Variants in SLIT3 observed in about 807,000 individuals in gnomAD.
SLIT3 encodes the protein slit guidance ligand 3.
Under a neutral mutation model 184.0 loss-of-function variants are expected in SLIT3, and 68 were observed. The ratio of observed to expected loss-of-function variants is 0.37; its 90% confidence interval spans 0.30 to 0.45. The LOEUF (loss-of-function observed/expected upper bound fraction) is 0.45. Ranked by LOEUF, SLIT3 falls within the 20% of genes least tolerant of loss-of-function variation. The pLI is 1.00. For synonymous variants in SLIT3, 831 were observed against 828.6 expected (o/e 1.00, Z -0.05); for missense variants, 1,707 against 2,026.0 (o/e 0.84, Z 3.02).
intron 5 of SLIT3, among the ~76,000 whole-genome samples, chr5:168,875,830 A>G (rs914226937): frequency 6.6e-6 from 1 of 152,020 alleles, no homozygotes; most frequent in Non-Finnish European, 1.5e-5. Flanking sequence ...GCAGGAAGGT[A>G]GACATGACCC....
chr5:168,688,911 A>G (rs1306037728), intron 29 of SLIT3, among the ~76,000 whole-genome samples: 1 of 152,230 alleles, frequency 6.6e-6, no homozygotes, highest in African/African-American at 2.4e-5. Flanking sequence ...GCCAATACTT[A>G]CAAGATAAAA....
intron 4 of SLIT3, among the ~76,000 whole-genome samples, chr5:169,130,960 A>G (rs1400182967): frequency 6.6e-6 from 1 of 152,182 alleles, no homozygotes; most frequent in Non-Finnish European, 1.5e-5. Flanking sequence ...TACGTATTTA[A>G]GTGGTGAAAA....
intron 4 of SLIT3, among the ~76,000 whole-genome samples, chr5:169,054,264 A>G (rs1479833075): frequency 1.3e-5 from 2 of 149,524 alleles, no homozygotes; most frequent in African/African-American, 4.9e-5. Context: ...AGAAGCGGAG[A>G]TTGGGATGAT....
At chr5:169,153,583 C>T (rs1348682277) in intron 4 of SLIT3, among the ~76,000 whole-genome samples, 1 of 152,208 alleles carries the variant, frequency 6.6e-6, no homozygotes, top group African/African-American at 2.4e-5. Context: ...TGCAGGCCTG[C>T]GTTTTATCTT....
chr5:168,887,481 C>T (rs1366323608), intron 4 of SLIT3, among the ~76,000 whole-genome samples: 1 of 152,120 alleles, frequency 6.6e-6, no homozygotes, highest in African/African-American at 2.4e-5. Flanking sequence ...CCTCAGTTTC[C>T]CCATCTTTAC....
At chr5:168,795,632 T>G in intron 9 of SLIT3, 54 bp from the exon 10 acceptor site, 1 of 1,363,270 alleles carries the variant, frequency 7.3e-7, no homozygotes, top group South Asian at 1.2e-5. Flanking sequence ...CAACAAGTGG[T>G]CACTGAGGGC....
At chr5:169,120,369 G>A (rs951038182) in intron 4 of SLIT3, 3 of 152,258 alleles carry the variant, frequency 2.0e-5, no homozygotes, top group Non-Finnish European at 2.9e-5. Flanking sequence ...GGCCTGGGAG[G>A]AGAAAGAGGG....
At chr5:168,950,113 G>A (rs1486751602) in intron 4 of SLIT3, among the ~76,000 whole-genome samples, 1 of 149,276 alleles carries the variant, frequency 6.7e-6, no homozygotes, top group African/African-American at 2.5e-5. Context: ...GCTATTTAGA[G>A]GTGGGGAGTT....
chr5:168,828,907 CT>C (rs1757791984), intron 6 of SLIT3, among the ~76,000 whole-genome samples: 1 of 152,150 alleles, frequency 6.6e-6, no homozygotes, highest in African/African-American at 2.4e-5. Context: ...ACAGGATGCT[CT>C]TTTGCAGCAA....
rs138142661 is a variant in SLIT3, at chr5:168,741,022, C to T, written c.2270+7280G>A. Among the ~76,000 whole-genome samples the T allele has an allele frequency of 1.7e-3, 252 of 152,286 alleles. 4 individuals carry two copies. Among genetic ancestry groups the T allele is most frequent in the African/African-American group, 5.9e-3 (244 of 41,578 alleles). ...CACTGCACGTGGGGGCATTTTTGTACACAGAACTTCCAGGGCATGACCCCA... is the reference window on the plus strand; with the variant it reads ...CACTGCACGTGGGGGCATTTTTGTATACAGAACTTCCAGGGCATGACCCCA... On this transcript the variant is annotated intron_variant, in intron 20 of 35. Transcript: ENST00000519560.
chr5:168,856,814 C>CGT (rs1221539009), intron 5 of SLIT3, among the ~76,000 whole-genome samples: 3 of 140,968 alleles, frequency 2.1e-5, no homozygotes, highest in Non-Finnish European at 4.6e-5. Flanking sequence ...TGTGCGCGCG[C>CGT]GCGCACGCCT....
chr5:169,273,660 C>A (rs187796839), intron 1 of SLIT3, among the ~76,000 whole-genome samples: 2 of 152,266 alleles, frequency 1.3e-5, no homozygotes, highest in Non-Finnish European at 2.9e-5. Flanking sequence ...AGGTGAACGG[C>A]AAGTCTTGGA....
At chr5:168,749,421 C>T (rs759307115) in intron 19 of SLIT3, 51 bp downstream of exon 19, 3 of 1,605,390 alleles carry the variant, frequency 1.9e-6, no homozygotes, top group Non-Finnish European at 2.6e-6. Flanking sequence ...TCGCCATCTT[C>T]CTTGCCTTCC....
chr5:168,985,348 C>T (rs928160714), intron 4 of SLIT3, among the ~76,000 whole-genome samples: 6 of 152,244 alleles, frequency 3.9e-5, no homozygotes, highest in East Asian at 1.9e-4. Flanking sequence ...GATCTTGGAT[C>T]GTCATATGAG....
At chr5:168,671,555 G>A in intron 33 of SLIT3, 72 bp from the exon 34 acceptor site, 1 of 1,493,682 alleles carries the variant, frequency 6.7e-7, no homozygotes, top group Non-Finnish European at 9.0e-7. Context: ...GAGCGAAAAA[G>A]CACTTTTCAC....
chr5:168,883,343 AAGAAG>A lies in SLIT3; in HGVS notation c.414-12_414-8del, dbSNP rs1311469470. ...CTGGTTTTCACTCAAATCTCTAAAC[AAGAAG>A]AGAAGAGGCACACTGCATTAAAGAC... On this transcript the variant is annotated splice_polypyrimidine_tract_variant and splice_region_variant and intron_variant, in intron 4 of 35. Transcript: ENST00000519560. The A allele has an allele frequency of 1.9e-6, 3 of 1,610,684 alleles. No individual in the cohort carries two copies. Among genetic ancestry groups the A allele is most frequent in the Non-Finnish European group, 8.5e-7 (1 of 1,177,080 alleles).
intron 1 of SLIT3, among the ~76,000 whole-genome samples, chr5:169,262,943 A>G (rs1766248662): frequency 6.6e-6 from 1 of 152,166 alleles, no homozygotes. Flanking sequence ...CCAGCTACCT[A>G]TGAGTGTGAT....
intron 2 of SLIT3, 81 bp from the exon 3 acceptor site, chr5:169,244,857 T>C: frequency 1.5e-5 from 18 of 1,208,634 alleles, no homozygotes; most frequent in Non-Finnish European, 2.2e-5. Context: ...CATGCAGGCA[T>C]GGTCACTCAG....
chr5:168,742,849 A>G (rs570919233), intron 20 of SLIT3, among the ~76,000 whole-genome samples: 1 of 151,472 alleles, frequency 6.6e-6, no homozygotes, highest in African/African-American at 2.4e-5. Context: ...AGGTACTGCA[A>G]TGATACTGTC....
Sources: allele counts gnomAD v4.1 joint callset (sites outside exome capture counted in the v4.1 genomes callset), GRCh38; gene constraint gnomAD v4.1.1; transcripts MANE v1.5; gene names NCBI Gene and HGNC (gene_info 2026-07-23, HGNC 2026-07-21).